The following MYO3A variants were observed in gnomAD, a reference collection of about 807,000 sequenced individuals.
MYO3A encodes the protein myosin-IIIa.
Under a neutral mutation model 192.7 loss-of-function variants are expected in MYO3A, and 180 were observed. The observed-to-expected ratio is 0.93, with a 90% CI of 0.83 to 1.06. MYO3A has a LOEUF of 1.06. MYO3A is among the 50% of genes least tolerant of loss of function. The pLI is 0.00. For missense variants in MYO3A, 1,896 were observed against 1,905.0 expected, an observed-to-expected ratio of 1.00 and a Z score of 0.09; for synonymous variants, 628 against 645.3, an observed-to-expected ratio of 0.97 and a Z score of 0.41.
At position 26,023,232 on chromosome 10, in the gene MYO3A, A is replaced by G. The variant is rs142461965; in HGVS notation, c.732-790A>G. ...CAAACTGTACATTAATTTCATTATA[A>G]GCTATTTAAGGAGTAATGCAGAACT... On this transcript the variant is annotated intron_variant, in intron 8 of 34. Transcript: ENST00000642920. 6.2e-4 allele frequency: 95 copies of G among 152,332 alleles called. 1 individual carries two copies. Among genetic ancestry groups the G allele is most frequent in the African/African-American group, 2.3e-3 (94 of 41,570 alleles). The allele number at this position is 152,332 out of a possible 1,614,324, so 9.4% of individuals were successfully genotyped here.
intron 4 of MYO3A, among the ~76,000 whole-genome samples, chr10:25,968,391 A>G (rs1176208092): frequency 1.3e-5 from 2 of 152,248 alleles, no homozygotes; most frequent in African/African-American, 2.4e-5. Flanking sequence ...GACCTGCACT[A>G]TAAAAAATGT....
At chr10:26,184,606 C>A (rs181179131) in intron 31 of MYO3A, among the ~76,000 whole-genome samples, 4 of 150,448 alleles carry the variant, frequency 2.7e-5, no homozygotes, top group African/African-American at 7.3e-5. Flanking sequence ...CTTCTTTCTT[C>A]TGAATGCAAA....
rs760958192 is a variant in MYO3A, at chr10:26,021,626, AG to A, written c.710del (p.Arg237LysfsTer14). 6.2e-7 allele frequency: 1 copy of A among 1,614,136 alleles called. No homozygotes were observed. The highest frequency in any genetic ancestry group is 1.1e-5 in the South Asian group (1 of 91,086). On this transcript the variant is annotated frameshift_variant, in exon 8 of 35. Coordinates refer to ENST00000642920, the MANE Select transcript of MYO3A (RefSeq NM_017433.5). LOFTEE classifies it high-confidence loss of function. ...TCCACTAGCTGACCTTCATCCCATG[AG>A]AGCACTCTTCAAAATACCAAGGTCA... Reference protein sequence around the residue: ...DPPLADLHPMRALFKIPRNPP... With the variant: ...DPPLADLHPMXALFKIPRNPP...
chr10:26,012,487 C>T (rs2131017054), intron 6 of MYO3A, among the ~76,000 whole-genome samples: 1 of 152,158 alleles, frequency 6.6e-6, no homozygotes, highest in African/African-American at 2.4e-5. Flanking sequence ...AATCCTTTTA[C>T]AATAGCTGCA....
chr10:26,034,342 C>T (rs547921207), intron 10 of MYO3A, among the ~76,000 whole-genome samples: 2 of 152,280 alleles, frequency 1.3e-5, no homozygotes, highest in Admixed American at 1.3e-4. Flanking sequence ...TTATTATGGA[C>T]ACTTGAATCC....
chr10:26,071,756 T>C (rs1835222291), intron 14 of MYO3A, among the ~76,000 whole-genome samples: 1 of 152,096 alleles, frequency 6.6e-6, no homozygotes, highest in African/African-American at 2.4e-5. Flanking sequence ...CGTAAACAAA[T>C]GAAAAGTTGC....
In MYO3A at chr10:25,950,237, A is replaced by G. The variant is rs139633234; in HGVS notation, c.-17-1857A>G. Among the ~76,000 whole-genome samples the G allele has an allele frequency of 3.2e-3, 490 of 152,276 alleles. 2 individuals carry two copies. The highest frequency in any genetic ancestry group is 4.8e-3 in the Admixed American group (74 of 15,292). On this transcript the variant is annotated intron_variant, in intron 2 of 34. Transcript: ENST00000642920. The stretch of plus-strand genomic sequence containing the variant: ...TACCCCGGCTAGCAATGAACTTACT[A>G]TGTTTGATGCACATTGGTTTGTAGC...
chr10:26,157,617 A>C (rs1841222415), intron 26 of MYO3A, 102 bp downstream of exon 26: 14 of 1,255,270 alleles, frequency 1.1e-5, no homozygotes, highest in Non-Finnish European at 1.6e-5. Context: ...GAGGTCTAGG[A>C]GGGAGGCATT....
chr10:25,969,157 CG>C (rs1838459744), intron 4 of MYO3A, among the ~76,000 whole-genome samples: 3 of 152,084 alleles, frequency 2.0e-5, no homozygotes, highest in Non-Finnish European at 4.4e-5. Context: ...GGCTTGAACC[CG>C]GGAGGCGGAA....
intron 4 of MYO3A, among the ~76,000 whole-genome samples, chr10:25,957,974 T>A (rs1837666851): frequency 6.6e-6 from 1 of 152,192 alleles, no homozygotes; most frequent in South Asian, 2.1e-4. Context: ...TCCTTACAGA[T>A]GCTGGATATT....
At chr10:26,121,668 T>G (rs1838867511) in intron 18 of MYO3A, among the ~76,000 whole-genome samples, 1 of 152,124 alleles carries the variant, frequency 6.6e-6, no homozygotes, top group Non-Finnish European at 1.5e-5. Flanking sequence ...GGAGAATCGC[T>G]TGAACCCAGG....
At chr10:26,157,212 ATTTTT>A in intron 25 of MYO3A, 93 bp from the exon 26 acceptor site, 6 of 1,115,878 alleles carry the variant, frequency 5.4e-6, no homozygotes, top group Non-Finnish European at 8.1e-6. Context: ...TATAACATTC[ATTTTT>A]TGAATGTTAT....
chr10:26,173,418 A>G (rs1842152301), intron 29 of MYO3A, among the ~76,000 whole-genome samples: 1 of 152,224 alleles, frequency 6.6e-6, no homozygotes, highest in Non-Finnish European at 1.5e-5. Context: ...GGTTCTTCAT[A>G]TGCTAGGATA....
At chr10:26,194,102 T>C (rs75771899) in intron 32 of MYO3A, among the ~76,000 whole-genome samples, 3,115 of 152,208 alleles carry the variant, frequency 0.02, 91 homozygotes, top group African/African-American at 0.07. Flanking sequence ...CTCCAACTCA[T>C]TTCCCCCCTC....
At chr10:26,102,701 G>A (rs1358156729) in intron 17 of MYO3A, among the ~76,000 whole-genome samples, 1 of 152,214 alleles carries the variant, frequency 6.6e-6, no homozygotes, top group Non-Finnish European at 1.5e-5. Flanking sequence ...CACCAGCGGA[G>A]GCTGCAGAAC....
chr10:25,959,054 AG>A (rs945488667), intron 4 of MYO3A, among the ~76,000 whole-genome samples: 12 of 152,106 alleles, frequency 7.9e-5, no homozygotes, highest in African/African-American at 2.7e-4. Context: ...TATCAGCTTA[AG>A]GAGTTTTGGG....
intron 7 of MYO3A, among the ~76,000 whole-genome samples, chr10:26,019,117 T>G (rs1842138597): frequency 6.6e-6 from 1 of 152,134 alleles, no homozygotes; most frequent in Non-Finnish European, 1.5e-5. Flanking sequence ...AGAAACCTAG[T>G]ACTCATTAAC....
In MYO3A at chr10:26,161,899, T is replaced by C. The variant is rs73594311; in HGVS notation, c.3000-4168T>C. On this transcript the variant is annotated intron_variant, in intron 26 of 34. Coordinates refer to ENST00000642920, the MANE Select transcript of MYO3A (RefSeq NM_017433.5). The stretch of plus-strand genomic sequence containing the variant: ...TTCCACAAGTCCCAGCAACAGCACA[T>C]TATACATTCAGCAAACGTTTAGTTG... Among the ~76,000 whole-genome samples, 1,263 of 152,254 alleles carry C rather than the reference T, an allele frequency of 8.3e-3. 22 individuals are homozygous for C. Among genetic ancestry groups the C allele is most frequent in the African/African-American group, 0.029 (1,191 of 41,532 alleles).
intron 4 of MYO3A, among the ~76,000 whole-genome samples, chr10:25,970,310 T>C (rs1838547045): frequency 6.6e-6 from 1 of 151,792 alleles, no homozygotes; most frequent in Non-Finnish European, 1.5e-5. Flanking sequence ...AACTAACAAA[T>C]ACCTGGGAAT....
Sources: allele counts gnomAD v4.1 joint callset (sites outside exome capture counted in the v4.1 genomes callset), GRCh38; gene constraint gnomAD v4.1.1; transcripts MANE v1.5; gene names NCBI Gene and HGNC (gene_info 2026-07-23, HGNC 2026-07-21).